The following SLC25A40 variants were observed in gnomAD, a reference collection of about 807,000 sequenced individuals.
SLC25A40 encodes the protein mitochondrial glutathione transporter SLC25A40.
Under a neutral mutation model 46.5 loss-of-function variants are expected in SLC25A40, and 41 were observed. The ratio of observed to expected loss-of-function variants is 0.88; its 90% CI spans 0.69 to 1.14. SLC25A40 has a LOEUF of 1.14. Ranked by LOEUF, SLC25A40 falls within the 50% of genes most tolerant of loss-of-function variation. SLC25A40 has a pLI of 0.00. For synonymous variants in SLC25A40, 126 were observed against 127.5 expected, an observed-to-expected ratio of 0.99 and a Z score of 0.08; for missense variants, 386 against 393.6, an observed-to-expected ratio of 0.98 and a Z score of 0.16.
chr7:87,855,258 G>A (rs75300752), intron 4 of SLC25A40, among the ~76,000 whole-genome samples: 2,106 of 152,154 alleles, frequency 0.014, 49 homozygotes, highest in African/African-American at 0.048. Flanking sequence ...TTTAGAGAAG[G>A]GAACATGGAC....
intron 1 of SLC25A40, among the ~76,000 whole-genome samples, chr7:87,863,151 T>C (rs768000273): frequency 1.3e-5 from 2 of 152,236 alleles, no homozygotes; most frequent in Non-Finnish European, 2.9e-5. Context: ...ATACTTTCCT[T>C]ACTGGTTTGA....
chr7:87,858,614 C>T lies in SLC25A40; in HGVS notation c.97+17G>A. ...TCATTCAAAGTTACATAATCTACATCAGTAACATAATTTTACCTATTACTG... is the reference window on the plus strand; with the variant it reads ...TCATTCAAAGTTACATAATCTACATTAGTAACATAATTTTACCTATTACTG... On this transcript the variant is annotated intron_variant, in intron 3 of 11. Coordinates refer to ENST00000341119, the MANE Select transcript of SLC25A40 (RefSeq NM_018843.4). 1.5e-6 allele frequency: 2 copies of T among 1,339,460 alleles called. No individual in the cohort carries two copies. Among genetic ancestry groups the T allele is most frequent in the South Asian group, 1.2e-5 (1 of 85,390 alleles). The allele number at this position is 1,339,460 out of a possible 1,614,324, so 83.0% of individuals were successfully genotyped here.
At chr7:87,869,553 C>CA (rs907754065) in intron 1 of SLC25A40, among the ~76,000 whole-genome samples, 6 of 150,508 alleles carry the variant, frequency 4.0e-5, no homozygotes, top group Admixed American at 2.6e-4. Context: ...AAAAAAAATC[C>CA]AAAAAAAACC....
At chr7:87,860,383 T>A (rs1328986928) in intron 2 of SLC25A40, among the ~76,000 whole-genome samples, 189 bp downstream of exon 2, 1 of 152,194 alleles carries the variant, frequency 6.6e-6, no homozygotes, top group Non-Finnish European at 1.5e-5. Flanking sequence ...GCATACATCA[T>A]GTCCCTTCAC....
chr7:87,844,918 A>T (rs1257198860), intron 8 of SLC25A40, among the ~76,000 whole-genome samples: 1 of 152,172 alleles, frequency 6.6e-6, no homozygotes, highest in Non-Finnish European at 1.5e-5. Flanking sequence ...TAACATAAAG[A>T]GATGACATTC....
At chr7:87,859,372 G>A (rs1308626253) in intron 2 of SLC25A40, among the ~76,000 whole-genome samples, 2 of 152,026 alleles carry the variant, frequency 1.3e-5, no homozygotes, top group Non-Finnish European at 2.9e-5. Context: ...AACCCAGGAG[G>A]CGGAGCTTGC....
rs1838249788 is a variant in SLC25A40, at chr7:87,835,737, T to C, written c.*512A>G. 1.3e-5 allele frequency: 2 copies of C among 151,870 alleles called. No homozygotes were observed. The highest frequency in any genetic ancestry group is 4.8e-5 in the African/African-American group (2 of 41,380). 9.4% of individuals were successfully genotyped at this position (151,870 alleles called of 1,614,324 possible). On this transcript the variant is annotated 3_prime_UTR_variant, in exon 12 of 12. Transcript: ENST00000341119. The stretch of plus-strand genomic sequence containing the variant: ...GAAGGAGAGGGAGGCGGGAACCTAA[T>C]GCATTTGAATTAAAGGAAACAGGCA...
At chr7:87,870,611 G>A (rs1490715489) in intron 1 of SLC25A40, among the ~76,000 whole-genome samples, 1 of 152,100 alleles carries the variant, frequency 6.6e-6, no homozygotes, top group East Asian at 1.9e-4. Context: ...CTCATCCTGT[G>A]CCCATAAAAA....
intron 1 of SLC25A40, among the ~76,000 whole-genome samples, chr7:87,870,166 TA>T (rs1838873980): frequency 6.6e-6 from 1 of 151,678 alleles, no homozygotes; most frequent in Non-Finnish European, 1.5e-5. Flanking sequence ...TGAGTTATAA[TA>T]ATTCTTCATA....
Position 87,838,331 on chromosome 7 carries a change from C to G in SLC25A40, c.824-1521G>C, listed in dbSNP as rs561883123. Among the ~76,000 whole-genome samples the G allele has an allele frequency of 4.6e-5, 7 of 151,462 alleles. 1 individual carries two copies. The highest frequency in any genetic ancestry group is 1.7e-4 in the African/African-American group (7 of 41,460). ...AATCTTGTAGAACTCATGCCCCAAA[C>G]TAGTTTCTATTTTAACAGGAAGGTG... On this transcript the variant is annotated intron_variant, in intron 10 of 11. Transcript: ENST00000341119.
Position 87,847,862 on chromosome 7 carries a change from C to A in SLC25A40, c.448G>T (p.Val150Leu). Residue 150 changes from valine to leucine, a missense_variant, in exon 7 of 12, where the codon GTA becomes TTA. Physicochemically the swap from Val to Leu is conservative, Grantham distance 32. Transcript: ENST00000341119. ...ETCIPIVAGI[V>L]ARFGAVTVIS... ...AAGATTTATTACTCACATCTGGCTACAATTCCAGCAACAATTGGTATGCAG... is the reference window on the plus strand; with the variant it reads ...AAGATTTATTACTCACATCTGGCTAAAATTCCAGCAACAATTGGTATGCAG... 1.2e-6 allele frequency: 2 copies of A among 1,606,892 alleles called. No homozygotes were observed. The highest frequency in any genetic ancestry group is 1.7e-6 in the Non-Finnish European group (2 of 1,177,874).
At chr7:87,862,833 G>C (rs986556575) in intron 1 of SLC25A40, among the ~76,000 whole-genome samples, 1 of 152,160 alleles carries the variant, frequency 6.6e-6, no homozygotes, top group Non-Finnish European at 1.5e-5. Flanking sequence ...AAGAGAACTT[G>C]TGCAGGGAAA....
rs1374556646 is a variant in SLC25A40 at position 87,856,275 on chromosome 7, G to A, written c.157+17C>T. 1 of 1,563,852 alleles carries A rather than the reference G, an allele frequency of 6.4e-7. No individual in the cohort carries two copies. Among genetic ancestry groups the A allele is most frequent in the East Asian group, 2.3e-5 (1 of 44,044 alleles). ...AAAAATCAAACATAACATTTTTAGGGCAATTAGTACACATACCTTTGGGGA... is the reference window on the plus strand; with the variant it reads ...AAAAATCAAACATAACATTTTTAGGACAATTAGTACACATACCTTTGGGGA... On this transcript the variant is annotated intron_variant, in intron 4 of 11. Coordinates refer to ENST00000341119, the MANE Select transcript of SLC25A40 (RefSeq NM_018843.4).
intron 8 of SLC25A40, among the ~76,000 whole-genome samples, chr7:87,846,743 AG>A (rs1210296762): frequency 6.6e-5 from 10 of 151,874 alleles, no homozygotes; most frequent in Non-Finnish European, 1.5e-4. Flanking sequence ...ATTAATCACA[AG>A]GAAAAAAAAA....
At chr7:87,866,664 G>A (rs1210842104) in intron 1 of SLC25A40, among the ~76,000 whole-genome samples, 2 of 152,130 alleles carry the variant, frequency 1.3e-5, no homozygotes, top group African/African-American at 4.8e-5. Context: ...CATTCCACAG[G>A]TTGCTCAGGG....
intron 1 of SLC25A40, among the ~76,000 whole-genome samples, chr7:87,862,647 A>T (rs1386856616): frequency 6.6e-6 from 1 of 152,204 alleles, no homozygotes; most frequent in Non-Finnish European, 1.5e-5. Context: ...ATGCAATCTT[A>T]TTATAATCTT....
intron 4 of SLC25A40, among the ~76,000 whole-genome samples, chr7:87,855,451 A>G (rs913080097): frequency 2.6e-5 from 4 of 152,088 alleles, no homozygotes; most frequent in African/African-American, 9.7e-5. Context: ...ATGTAGTACA[A>G]CTTTCTCTAA....
chr7:87,862,133 C>T (rs1487251233), intron 1 of SLC25A40, among the ~76,000 whole-genome samples: 1 of 152,162 alleles, frequency 6.6e-6, no homozygotes, highest in African/African-American at 2.4e-5. Context: ...CTGCTTTAAA[C>T]TCCCTACAGT....
At chr7:87,843,899 GAAAT>G in intron 8 of SLC25A40, 36 bp from the exon 9 acceptor site, 1 of 1,490,300 alleles carries the variant, frequency 6.7e-7, no homozygotes, top group Non-Finnish European at 9.2e-7. Flanking sequence ...CACATATTTA[GAAAT>G]AAAATGTGGA....
Sources: allele counts gnomAD v4.1 joint callset (sites outside exome capture counted in the v4.1 genomes callset), GRCh38; gene constraint gnomAD v4.1.1; transcripts MANE v1.5; gene names NCBI Gene and HGNC (gene_info 2026-07-23, HGNC 2026-07-21).